Variants in ANKRD60 observed in about 807,000 individuals in gnomAD.
ANKRD60 encodes the protein ankyrin repeat domain 60, also known as ankyrin repeat domain-containing protein 60.
A neutral mutation model predicts 21.3 loss-of-function variants in ANKRD60; 24 were observed. The ratio of observed to expected loss-of-function variants is 1.13; its 90% CI spans 0.82 to 1.59. The LOEUF (loss-of-function observed/expected upper bound fraction) is 1.59. Among genes scored for constraint, ANKRD60 ranks in the 40% most tolerant of loss-of-function variants. The pLI is 0.00. For synonymous variants in ANKRD60, 182 were observed against 199.4 expected, an observed-to-expected ratio of 0.91 and a Z score of 0.74; for missense variants, 490 against 466.7, an observed-to-expected ratio of 1.05 and a Z score of -0.46.
In ANKRD60 at chr20:58,228,021, C is replaced by CGG. The variant is rs1222606645; in HGVS notation, c.430+202_430+203insCC. 6.6e-6 allele frequency among the ~76,000 whole-genome samples: 1 copy of CGG among 152,064 alleles called. No individual in the cohort carries two copies. The highest frequency in any genetic ancestry group is 1.5e-5 in the Non-Finnish European group (1 of 68,004). ...CTTGATTGGGAGTCCAATTTGAACGCCGTGTGTTTGAGATTGGGAAGTCCC... is the reference window on the plus strand; with the variant it reads ...CTTGATTGGGAGTCCAATTTGAACGCGGCGTGTGTTTGAGATTGGGAAGTCCC... On this transcript the variant is annotated intron_variant, in intron 1 of 3. Coordinates refer to ENST00000457363, the Ensembl canonical transcript of ANKRD60. This position sits in a 1 kb window ranked among gnomAD's most constrained non-coding sequence, Gnocchi z 5.3.
At chr20:58,227,239 C>T (rs1258827313) in intron 1 of ANKRD60, among the ~76,000 whole-genome samples, 2 of 152,136 alleles carry the variant, frequency 1.3e-5, no homozygotes, top group Non-Finnish European at 2.9e-5. Flanking sequence ...TCAGCTTTGA[C>T]CTCTTTGCCT....
At position 58,218,511 on chromosome 20, in the gene ANKRD60, G is replaced by A. The variant is rs149858216; in HGVS notation, c.1022C>T (p.Thr341Met). 6.5e-4 allele frequency: 1,007 copies of A among 1,551,000 alleles called. 9 individuals are homozygous for A. The African/African-American group carries it at 0.012, about 18-fold the overall frequency. Residue 341 changes from threonine to methionine, a missense_variant, in exon 4 of 4, where the codon ACG (threonine) becomes ATG (methionine). Physicochemically the swap from Thr to Met is moderately conservative, Grantham distance 81. Coordinates refer to ENST00000457363, the Ensembl canonical transcript of ANKRD60. ...CACCAGGAGCTAATGAGGGGTCATC[G>A]TCATCTTCTCAGACCTAAACCCAGA...
In ANKRD60 at chr20:58,228,527, C is replaced by A. The variant is rs1433012156; in HGVS notation, c.127G>T (p.Ala43Ser). The A allele has an allele frequency of 1.5e-6, 2 of 1,344,402 alleles. No individual in the cohort carries two copies. The highest frequency in any genetic ancestry group is 9.5e-7 in the Non-Finnish European group (1 of 1,052,932). The allele number at this position is 1,344,402 out of a possible 1,614,324, so 83.3% of individuals were successfully genotyped here. Residue 43 changes from alanine (A) to serine (S), a missense_variant, in exon 1 of 4, where the codon GCC becomes TCC. Physicochemically the swap from Ala to Ser is moderately conservative, Grantham distance 99. Coordinates refer to ENST00000457363, the Ensembl canonical transcript of ANKRD60. The surrounding 1 kb of genome is among the most constrained non-coding windows in gnomAD (Gnocchi z 5.3). ...GGCCCGCCGCACCCCTGAGCCCCGG[C>A]CCGCGCACCGCTCCTGCGTCCCGCA...
intron 3 of ANKRD60, among the ~76,000 whole-genome samples, chr20:58,219,815 T>A (rs1984209933): frequency 6.6e-6 from 1 of 152,202 alleles, no homozygotes; most frequent in African/African-American, 2.4e-5. Flanking sequence ...AAGCTGGCTG[T>A]AATTTTTTAA....
intron 1 of ANKRD60, among the ~76,000 whole-genome samples, chr20:58,226,436 T>C (rs764567801): frequency 2.6e-5 from 4 of 152,084 alleles, no homozygotes; most frequent in Non-Finnish European, 5.9e-5. Flanking sequence ...TGCTCAAAAT[T>C]TGGGCTCCTG....
At chr20:58,221,951 A>G (rs1402440005) in intron 2 of ANKRD60, among the ~76,000 whole-genome samples, 1 of 152,186 alleles carries the variant, frequency 6.6e-6, no homozygotes, top group Non-Finnish European at 1.5e-5. Context: ...CAAGCTGAAC[A>G]TGCACAGGTG....
chr20:58,221,287 C>T (rs1984246360), intron 3 of ANKRD60, 51 bp downstream of exon 3: 1 of 1,527,494 alleles, frequency 6.5e-7, no homozygotes, highest in East Asian at 2.5e-5. Flanking sequence ...GTCCTTTCTA[C>T]CTGCAAAAAA....
intron 1 of ANKRD60, among the ~76,000 whole-genome samples, chr20:58,223,524 A>G (rs1391794623): frequency 6.6e-6 from 1 of 152,262 alleles, no homozygotes; most frequent in Non-Finnish European, 1.5e-5. Flanking sequence ...AACCTGAAGT[A>G]ACCAGTCATT....
chr20:58,223,413 C>T (rs1984302462), intron 1 of ANKRD60, among the ~76,000 whole-genome samples: 1 of 152,116 alleles, frequency 6.6e-6, no homozygotes, highest in Non-Finnish European at 1.5e-5. Flanking sequence ...ACAATGCCAA[C>T]GATTTATAAA....
rs991355143 is a variant in ANKRD60 at position 58,222,996 on chromosome 20, A to G, written c.561+56T>C. ...CGTATTAAAGACTAATTTTCCCCCC[A>G]CAATTTACGGTTGCTTCGTAACGTA... On this transcript the variant is annotated intron_variant, in intron 2 of 3. Coordinates refer to ENST00000457363, the Ensembl canonical transcript of ANKRD60. 6.0e-6 allele frequency: 9 copies of G among 1,499,430 alleles called. No homozygotes were observed. The African/African-American group carries it at 1.3e-4, about 21-fold the overall frequency. The allele number at this position is 1,499,430 out of a possible 1,614,324, so 92.9% of individuals were successfully genotyped here. A position where few individuals can be genotyped will look rare whatever the true frequency, so the allele number is the denominator to read the frequency against.
intron 1 of ANKRD60, among the ~76,000 whole-genome samples, chr20:58,227,411 G>A (rs959765638): frequency 6.6e-6 from 1 of 152,110 alleles, no homozygotes; most frequent in African/African-American, 2.4e-5. Context: ...GAAAATCTGG[G>A]GTTCTGAGGT....
rs556193863 is a variant in ANKRD60, at chr20:58,225,896, G to A, written c.430+2328C>T. ...TATCCTAAATATTGTAGGGAATCGG[G>A]ATAGGGAAAGCCACGCCTTCGGGTC... On this transcript the variant is annotated intron_variant, in intron 1 of 3. Transcript: ENST00000457363. Among the ~76,000 whole-genome samples the A allele has an allele frequency of 2.0e-5, 3 of 152,326 alleles. No homozygotes were observed. The South Asian group carries it at 6.2e-4, about 32-fold the overall frequency.
At chr20:58,220,906 T>G (rs1984237467) in intron 3 of ANKRD60, among the ~76,000 whole-genome samples, 1 of 152,130 alleles carries the variant, frequency 6.6e-6, no homozygotes, top group Admixed American at 6.5e-5. Flanking sequence ...GTGCTGAGAT[T>G]ACAGGCATGA....
chr20:58,228,176 C>T lies in ANKRD60; in HGVS notation c.430+48G>A, dbSNP rs1273153824. ...TTTGGGAATCCACTTCAGAAGTGGA[C>T]AGGGTGCCCTTGCATGTGGCCAGGG... On this transcript the variant is annotated intron_variant, in intron 1 of 3. Coordinates refer to ENST00000457363, the Ensembl canonical transcript of ANKRD60. This position sits in a 1 kb window ranked among gnomAD's most constrained non-coding sequence, Gnocchi z 5.3. 2.0e-6 allele frequency: 3 copies of T among 1,484,602 alleles called. No homozygotes were observed. The highest frequency in any genetic ancestry group is 2.7e-6 in the Non-Finnish European group (3 of 1,102,570). 92.0% of individuals were successfully genotyped at this position (1,484,602 alleles called of 1,614,324 possible).
At chr20:58,220,604 G>A (rs1322459441) in intron 3 of ANKRD60, among the ~76,000 whole-genome samples, 1 of 151,868 alleles carries the variant, frequency 6.6e-6, no homozygotes, top group Non-Finnish European at 1.5e-5. Context: ...AACGAGGCTT[G>A]GAGAAGGGAG....
At chr20:58,222,809 C>A (rs190641444) in intron 2 of ANKRD60, among the ~76,000 whole-genome samples, 1 of 152,146 alleles carries the variant, frequency 6.6e-6, no homozygotes, top group Non-Finnish European at 1.5e-5. Flanking sequence ...GACTCCTTTG[C>A]GGGGAGGGGT....
intron 3 of ANKRD60, 31 bp from the exon 4 acceptor site, chr20:58,218,836 G>T: frequency 2.1e-6 from 3 of 1,452,084 alleles, no homozygotes; most frequent in Non-Finnish European, 2.8e-6. Flanking sequence ...CCAGAAGGAA[G>T]ACATGCGGAG....
At chr20:58,224,114 A>AT (rs1246927907) in intron 1 of ANKRD60, among the ~76,000 whole-genome samples, 4 of 151,626 alleles carry the variant, frequency 2.6e-5, no homozygotes, top group Non-Finnish European at 5.9e-5. Context: ...AAAAAAAAAA[A>AT]GGCTCCAGAC....
downstream of ANKRD60, among the ~76,000 whole-genome samples, chr20:58,216,198 A>T (rs757736322): frequency 9.9e-5 from 15 of 152,160 alleles, no homozygotes; most frequent in Non-Finnish European, 1.5e-4. Flanking sequence ...GAATGTCAGG[A>T]TTGTCTAAAA....
Sources: allele counts gnomAD v4.1 joint callset (sites outside exome capture counted in the v4.1 genomes callset), GRCh38; gene constraint gnomAD v4.1.1; non-coding constraint Gnocchi (gnomAD v3.1); transcripts MANE v1.5; gene names NCBI Gene and HGNC (gene_info 2026-07-23, HGNC 2026-07-21).